Variants in RAP1GAP2 observed in about 807,000 individuals in gnomAD.
RAP1GAP2 encodes RAP1 GTPase activating protein 2.
RAP1GAP2 carries 27 observed loss-of-function variants against 95.0 expected under a neutral mutation model. The observed-to-expected ratio is 0.28, with a 90% CI of 0.21 to 0.39. The LOEUF (loss-of-function observed/expected upper bound fraction) is 0.39. Ranked by LOEUF, RAP1GAP2 falls within the 10% of genes least tolerant of loss-of-function variation. The pLI is 1.00. For missense variants in RAP1GAP2, 771 were observed against 970.0 expected (o/e 0.79, Z 2.72); for synonymous variants, 373 against 380.9 (o/e 0.98, Z 0.24).
rs1483855298 is a variant in RAP1GAP2, at chr17:3,034,404, A to AG, written c.*1050dup. On this transcript the variant is annotated 3_prime_UTR_variant, in exon 25 of 25. Transcript: ENST00000254695. This position sits in a 1 kb window ranked among gnomAD's most constrained non-coding sequence, Gnocchi z 5.1. Reference sequence around the variant, plus strand: ...CCCCACTTACTCGAGGAGAGAGGTGAGGGGGGGATGACTTGCGGGTTCTGA... The same window carrying AG: ...CCCCACTTACTCGAGGAGAGAGGTGAGGGGGGGGATGACTTGCGGGTTCTGA... 8 of 234,460 alleles carry AG rather than the reference A, an allele frequency of 3.4e-5. No individual in the cohort carries two copies. Among genetic ancestry groups the AG allele is most frequent in the East Asian group, 1.8e-4 (1 of 5,706 alleles). 14.5% of individuals were successfully genotyped at this position (234,460 alleles called of 1,614,324 possible).
Position 2,817,174 on chromosome 17 carries a change from G to A in RAP1GAP2, c.80+16624G>A, listed in dbSNP as rs554589665. On this transcript the variant is annotated intron_variant, in intron 2 of 24. Coordinates refer to ENST00000254695, the MANE Select transcript of RAP1GAP2 (RefSeq NM_015085.5). ...GGCTAATTTCTGTATTTTTAGTAGA[G>A]ATAGAGATAGGGTTTCGCCATGATG... is the stretch of plus-strand genomic sequence containing the variant. Among the ~76,000 whole-genome samples, 12 of 117,674 alleles carry A rather than the reference G, an allele frequency of 1.0e-4. 2 individuals carry two copies. In the South Asian group the frequency reaches 3.2e-3, roughly 31 times the overall value. 77.2% of individuals were successfully genotyped at this position (117,674 alleles called of 152,430 possible).
intron 17 of RAP1GAP2, among the ~76,000 whole-genome samples, chr17:3,011,910 G>A (rs746439118): frequency 1.3e-4 from 20 of 152,098 alleles, no homozygotes; most frequent in Admixed American, 3.9e-4. Flanking sequence ...CACTGCGCCC[G>A]GCCTCCTTCC....
intron 4 of RAP1GAP2, among the ~76,000 whole-genome samples, chr17:2,959,950 C>T (rs556038177): frequency 4.8e-4 from 73 of 151,998 alleles, no homozygotes; most frequent in African/African-American, 1.7e-3. Context: ...CCTGGTGAAA[C>T]CCTGTCTCTA....
chr17:2,935,137 C>T (rs767672168), intron 3 of RAP1GAP2, among the ~76,000 whole-genome samples: 8 of 152,176 alleles, frequency 5.3e-5, no homozygotes, highest in African/African-American at 1.7e-4. Context: ...GTTTAACTCT[C>T]AGCCTCAGTT....
chr17:2,853,216 T>G (rs1183054963), intron 2 of RAP1GAP2, among the ~76,000 whole-genome samples: 5 of 151,536 alleles, frequency 3.3e-5, no homozygotes, highest in Non-Finnish European at 7.4e-5. Context: ...ATCCGCAAGC[T>G]CCCACCCGGG....
At chr17:2,890,845 C>T (rs1213198229) in intron 2 of RAP1GAP2, among the ~76,000 whole-genome samples, 2 of 151,806 alleles carry the variant, frequency 1.3e-5, no homozygotes, top group Non-Finnish European at 2.9e-5. Flanking sequence ...CCACCACGCC[C>T]GGCTAATTTT....
intron 1 of RAP1GAP2, among the ~76,000 whole-genome samples, chr17:2,779,513 C>G (rs2068586798): frequency 6.6e-6 from 1 of 152,144 alleles, no homozygotes; most frequent in Admixed American, 6.6e-5. Context: ...GCCCAGTTTC[C>G]CAGACCTCCT....
At chr17:2,896,358 C>T (rs913580196) in intron 2 of RAP1GAP2, among the ~76,000 whole-genome samples, 1 of 152,192 alleles carries the variant, frequency 6.6e-6, no homozygotes, top group African/African-American at 2.4e-5. Flanking sequence ...ACTGTCCCCT[C>T]CTCGCTCCCT....
intron 22 of RAP1GAP2, among the ~76,000 whole-genome samples, chr17:3,028,887 G>A (rs1336410257): frequency 2.0e-5 from 3 of 152,022 alleles, no homozygotes; most frequent in Non-Finnish European, 2.9e-5. Context: ...TGCAACCTCC[G>A]CCTCCCAGGT....
chr17:2,929,491 A>G (rs963109132), intron 3 of RAP1GAP2, among the ~76,000 whole-genome samples: 1 of 152,180 alleles, frequency 6.6e-6, no homozygotes, highest in African/African-American at 2.4e-5. Flanking sequence ...AGGTGCACAC[A>G]TGGCTGCCTG....
In RAP1GAP2 at chr17:2,787,582, T is replaced by G. The variant is rs372730913; in HGVS notation, c.-14+10304T>G. 7.2e-4 allele frequency among the ~76,000 whole-genome samples: 110 copies of G among 152,182 alleles called. 5 individuals carry two copies. In the South Asian group the frequency reaches 0.022, roughly 31 times the overall value. ...CTGTTTTTTTGTTTTGTTTTGTTTT[T>G]TTTGAGATGGAGTCTTGCTCTGTCG... On this transcript the variant is annotated intron_variant, in intron 1 of 24. Transcript: ENST00000540393.
intron 17 of RAP1GAP2, among the ~76,000 whole-genome samples, chr17:3,012,619 A>C (rs1157073115): frequency 4.0e-5 from 6 of 151,510 alleles, no homozygotes; most frequent in South Asian, 4.2e-4. Context: ...AAAAAAAAAA[A>C]AAAAAAAAAA....
Position 2,854,033 on chromosome 17 carries a change from C to T in RAP1GAP2, c.81-51251C>T, listed in dbSNP as rs1202381252. 4 of 984,978 alleles carry T rather than the reference C, an allele frequency of 4.1e-6. No homozygotes were observed. The East Asian group carries it at 4.5e-4, about 112-fold the overall frequency. 61.0% of individuals were successfully genotyped at this position (984,978 alleles called of 1,614,324 possible). ...GCGGGGAGGAGGCATTGCCGAAAGG[C>T]GGGGATCCGCGCCGCCGTGGTGCTC... On this transcript the variant is annotated intron_variant, in intron 2 of 24. Transcript: ENST00000254695.
chr17:2,916,224 C>G (rs1373171976), intron 3 of RAP1GAP2, among the ~76,000 whole-genome samples: 1 of 152,268 alleles, frequency 6.6e-6, no homozygotes, highest in East Asian at 1.9e-4. Context: ...ATTGTCTCTC[C>G]AACCATGGTG....
rs1194374894 is a variant in RAP1GAP2 at position 2,870,328 on chromosome 17, AG to A, written c.81-34954del. 3.9e-5 allele frequency among the ~76,000 whole-genome samples: 6 copies of A among 151,988 alleles called. No individual in the cohort carries two copies. Among genetic ancestry groups the A allele is most frequent in the Non-Finnish European group, 1.5e-5 (1 of 68,000 alleles). On this transcript the variant is annotated intron_variant, in intron 2 of 24. Coordinates refer to ENST00000254695, the MANE Select transcript of RAP1GAP2 (RefSeq NM_015085.5). The surrounding 1 kb of genome is among the most constrained non-coding windows in gnomAD (Gnocchi z 4.4). ...AATACGGGGTTTTACTATGTTGGCC[AG>A]GCTGGTCTCAAACTCTTGACCTCGT...
chr17:2,900,986 G>A (rs1039622000), intron 2 of RAP1GAP2, among the ~76,000 whole-genome samples: 1 of 152,232 alleles, frequency 6.6e-6, no homozygotes, highest in South Asian at 2.1e-4. Context: ...GAGGCGAGGA[G>A]CCTGCAGGCC....
chr17:2,868,022 G>A (rs191850888), intron 2 of RAP1GAP2, among the ~76,000 whole-genome samples: 49 of 152,274 alleles, frequency 3.2e-4, no homozygotes, highest in Non-Finnish European at 5.1e-4. Flanking sequence ...GCCTGTGACC[G>A]CGCTGGACCT....
At chr17:2,868,219 G>C (rs117753583) in intron 2 of RAP1GAP2, among the ~76,000 whole-genome samples, 4,479 of 152,204 alleles carry the variant, frequency 0.029, 106 homozygotes, top group Middle Eastern at 0.068. Context: ...TTTTGGTTAC[G>C]AGGCCCTGGC....
intron 8 of RAP1GAP2, among the ~76,000 whole-genome samples, chr17:2,977,681 G>T (rs1169162586): frequency 1.3e-5 from 2 of 149,556 alleles, no homozygotes; most frequent in Non-Finnish European, 3.0e-5. Context: ...GGAGGCAGAG[G>T]TTGCAGTGAG....
Sources: gnomAD v4.1 joint callset for allele counts (sites outside exome capture counted in the v4.1 genomes callset) on GRCh38, gnomAD v4.1.1 for gene constraint, Gnocchi (gnomAD v3.1) non-coding constraint, MANE v1.5 for transcripts, NCBI Gene and HGNC (gene_info 2026-07-23, HGNC 2026-07-21) for gene names.